PPM1D: variants seen among roughly 807,000 people sequenced by gnomAD.
PPM1D encodes protein phosphatase, Mg2+/Mn2+ dependent 1D.
In PPM1D, 52 loss-of-function variants were observed where a neutral mutation model predicts 58.3. The ratio of observed to expected loss-of-function variants is 0.89; its 90% confidence interval spans 0.71 to 1.12. The LOEUF (loss-of-function observed/expected upper bound fraction) is 1.12, where lower values mean the gene tolerates loss of function less well. Among genes scored for constraint, PPM1D ranks in the 50% most tolerant of loss-of-function variants. The pLI is 0.00. For synonymous variants in PPM1D, 278 were observed against 285.1 expected (o/e 0.98, Z 0.25); for missense variants, 564 against 777.2 (o/e 0.73, Z 3.26).
At chr17:60,609,250 C>T (rs898021921) in intron 1 of PPM1D, among the ~76,000 whole-genome samples, 7 of 151,826 alleles carry the variant, frequency 4.6e-5, no homozygotes, top group Admixed American at 2.0e-4. Flanking sequence ...CGCACTACCA[C>T]GCCCAGCTAA....
At chr17:60,633,383 G>C (rs2030965804) in intron 2 of PPM1D, among the ~76,000 whole-genome samples, 1 of 152,056 alleles carries the variant, frequency 6.6e-6, no homozygotes, top group African/African-American at 2.4e-5. Flanking sequence ...CTTTTTAATT[G>C]CTTATATCAC....
chr17:60,613,013 T>C (rs1291672077), intron 1 of PPM1D, among the ~76,000 whole-genome samples: 1 of 152,190 alleles, frequency 6.6e-6, no homozygotes, highest in Non-Finnish European at 1.5e-5. Context: ...GTCTTGCACT[T>C]GGCCTTTTCT....
Position 60,648,097 on chromosome 17 carries a change from A to T in PPM1D, c.1017+15A>T. On this transcript the variant is annotated intron_variant, in intron 4 of 5. Transcript: ENST00000305921. ...AATACCTGATGGTGAGATGTGATTG[A>T]ATAACTTGATATTGTTGTCTAAACA... is the stretch of plus-strand genomic sequence containing the variant. 1 of 1,595,264 alleles carries T rather than the reference A, an allele frequency of 6.3e-7. No homozygotes were observed. Among genetic ancestry groups the T allele is most frequent in the African/African-American group, 1.3e-5 (1 of 74,176 alleles).
chr17:60,621,663 TC>T (rs2143651335), intron 1 of PPM1D, among the ~76,000 whole-genome samples: 1 of 144,062 alleles, frequency 6.9e-6, no homozygotes, highest in Non-Finnish European at 1.5e-5. Flanking sequence ...AAGCTCCGCC[TC>T]CCGGGTTCAC....
intron 4 of PPM1D, 131 bp from the exon 5 acceptor site, chr17:60,656,468 G>GA: frequency 8.0e-7 from 1 of 1,246,074 alleles, no homozygotes; most frequent in Non-Finnish European, 1.1e-6. Flanking sequence ...AAAAAAAAGA[G>GA]AAAAGAAAAA....
At chr17:60,640,029 T>C (rs1055852900) in intron 3 of PPM1D, among the ~76,000 whole-genome samples, 2 of 152,162 alleles carry the variant, frequency 1.3e-5, no homozygotes, top group African/African-American at 4.8e-5. Context: ...TGGTAAATAA[T>C]CATGTTTGGC....
chr17:60,659,610 T>C (rs770508835), intron 5 of PPM1D, among the ~76,000 whole-genome samples: 7 of 152,256 alleles, frequency 4.6e-5, no homozygotes, highest in Non-Finnish European at 8.8e-5. Flanking sequence ...AGGCACAGTT[T>C]GTAATTAATT....
chr17:60,615,382 C>T (rs1360179444), intron 1 of PPM1D, among the ~76,000 whole-genome samples: 1 of 151,842 alleles, frequency 6.6e-6, no homozygotes, highest in East Asian at 1.9e-4. Context: ...TGCATTGCAG[C>T]CCGGGTGACA....
intron 2 of PPM1D, among the ~76,000 whole-genome samples, chr17:60,626,366 T>C (rs2030807339): frequency 6.6e-6 from 1 of 151,666 alleles, no homozygotes; most frequent in Admixed American, 6.6e-5. Context: ...AAAAAAGAGG[T>C]GTCTCAATGA....
intron 3 of PPM1D, among the ~76,000 whole-genome samples, chr17:60,643,045 C>T (rs2031167331): frequency 7.0e-6 from 1 of 143,362 alleles, no homozygotes; most frequent in South Asian, 2.2e-4. Flanking sequence ...AGCGAGACTC[C>T]GTCTCAAAAG....
At chr17:60,650,586 AATAC>A (rs1013609838) in intron 4 of PPM1D, among the ~76,000 whole-genome samples, 36 of 151,798 alleles carry the variant, frequency 2.4e-4, no homozygotes, top group African/African-American at 7.3e-4. Context: ...AAAAAACACA[AATAC>A]ATAAGTAGTA....
rs770966943 is a variant in PPM1D, at chr17:60,623,762, C to T, written c.701+13C>T. ...GACTTGGTGGGAGGTAACATTCTGT[C>T]GTTTTCTCTTTCCTCTTTTGGTTCT... On this transcript the variant is annotated intron_variant, in intron 2 of 5. Coordinates refer to ENST00000305921, the MANE Select transcript of PPM1D (RefSeq NM_003620.4). 1.5e-5 allele frequency: 24 copies of T among 1,610,864 alleles called. No individual in the cohort carries two copies. The highest frequency in any genetic ancestry group is 9.4e-5 in the African/African-American group (7 of 74,850).
At chr17:60,654,587 C>T (rs2031400329) in intron 4 of PPM1D, among the ~76,000 whole-genome samples, 1 of 151,484 alleles carries the variant, frequency 6.6e-6, no homozygotes, top group East Asian at 2.0e-4. Context: ...GGCAGCCGGG[C>T]ACGGCGGTTC....
intron 2 of PPM1D, among the ~76,000 whole-genome samples, chr17:60,626,011 T>G (rs530931568): frequency 2.0e-5 from 3 of 152,296 alleles, no homozygotes; most frequent in South Asian, 4.2e-4. Flanking sequence ...AAAAGAGAGA[T>G]ATTCATATAC....
chr17:60,600,371 T>C lies in PPM1D; in HGVS notation c.-44T>C, dbSNP rs1330720248. 6.5e-7 allele frequency: 1 copy of C among 1,535,696 alleles called. No homozygotes were observed. ...GCCTAGTGTGTCTCCCGCCGCCGGA[T>C]TCGGCGGGCTGCGTGGGACCGGCGG... On this transcript the variant is annotated 5_prime_UTR_variant, in exon 1 of 6. Transcript: ENST00000305921.
At chr17:60,662,024 TCTCA>T (rs1272666782) in intron 5 of PPM1D, among the ~76,000 whole-genome samples, 1 of 151,978 alleles carries the variant, frequency 6.6e-6, no homozygotes, top group East Asian at 1.9e-4. Context: ...TGAGACGGAG[TCTCA>T]CTCCGTCACC....
chr17:60,634,120 C>T (rs1213714816), intron 3 of PPM1D, 143 bp downstream of exon 3: 3 of 1,020,034 alleles, frequency 2.9e-6, no homozygotes, highest in Admixed American at 5.6e-5. Flanking sequence ...TGCTTTAGAA[C>T]CTAATCGAAG....
At chr17:60,647,844 A>G (rs1205298272) in intron 3 of PPM1D, 48 bp from the exon 4 acceptor site, 7 of 1,519,186 alleles carry the variant, frequency 4.6e-6, no homozygotes, top group Admixed American at 1.8e-5. Context: ...CTGTTGTACT[A>G]TTAGCTTCCA....
chr17:60,636,255 A>G (rs1198775950), intron 3 of PPM1D, among the ~76,000 whole-genome samples: 1 of 152,218 alleles, frequency 6.6e-6, no homozygotes, highest in Non-Finnish European at 1.5e-5. Context: ...ACCCTCAAGT[A>G]TATCAAATAA....
Sources: gnomAD v4.1 joint callset for allele counts (sites outside exome capture counted in the v4.1 genomes callset) on GRCh38, gnomAD v4.1.1 for gene constraint, MANE v1.5 for transcripts, NCBI Gene and HGNC (gene_info 2026-07-23, HGNC 2026-07-21) for gene names.